GAB1: variants seen among roughly 807,000 people sequenced by gnomAD.
GAB1 encodes GRB2-associated-binding protein 1.
GAB1 carries 19 observed loss-of-function variants against 66.5 expected under a neutral mutation model. That is an observed-to-expected ratio of 0.29 (90% CI 0.20 to 0.42). The LOEUF is 0.42. Among genes scored for constraint, GAB1 ranks in the 10% least tolerant of loss-of-function variants. GAB1 has a pLI of 1.00. For synonymous variants in GAB1, 294 were observed against 301.4 expected (o/e 0.98, Z 0.25); for missense variants, 732 against 858.5 (o/e 0.85, Z 1.84).
chr4:143,350,025 A>G, intron 1 of GAB1: 4 of 1,558,942 alleles, frequency 2.6e-6, no homozygotes, highest in Non-Finnish European at 3.5e-6. Flanking sequence ...CCCGGATGCC[A>G]CTGCCGAAAC....
rs1364366011 is a variant in GAB1 at position 143,473,973 on chromosome 4, T to A, written c.*4784T>A. ...TTGCATGTAACTTCTTTGAGGAAGT[T>A]ACCACCATCTCTGATATAGACACAC... On this transcript the variant is annotated 3_prime_UTR_variant, in exon 10 of 10. Transcript: ENST00000262994. The A allele has an allele frequency of 1.4e-4, 21 of 152,194 alleles. 1 individual carries two copies. The highest frequency in any genetic ancestry group is 2.4e-4 in the Non-Finnish European group (16 of 68,022). The allele number at this position is 152,194 out of a possible 1,614,324, so 9.4% of individuals were successfully genotyped here.
chr4:143,432,900 A>C (rs1280622836), intron 2 of GAB1, among the ~76,000 whole-genome samples: 1 of 152,180 alleles, frequency 6.6e-6, no homozygotes, highest in African/African-American at 2.4e-5. Context: ...ATGGCAAATA[A>C]AGTTATGAGC....
intron 1 of GAB1, among the ~76,000 whole-genome samples, chr4:143,366,802 G>GA (rs1055545894): frequency 6.6e-5 from 10 of 151,858 alleles, no homozygotes; most frequent in Non-Finnish European, 1.3e-4. Context: ...TTTTCAATTT[G>GA]AAAAAATTGA....
intron 1 of GAB1, among the ~76,000 whole-genome samples, chr4:143,398,086 C>T (rs1022157799): frequency 6.6e-6 from 1 of 152,160 alleles, no homozygotes; most frequent in Admixed American, 6.5e-5. Context: ...TAAAATAAAC[C>T]TTTGAATACT....
intron 1 of GAB1, among the ~76,000 whole-genome samples, chr4:143,398,085 C>G (rs1578653570): frequency 2.0e-5 from 3 of 152,164 alleles, no homozygotes; most frequent in African/African-American, 7.2e-5. Flanking sequence ...TTAAAATAAA[C>G]CTTTGAATAC....
chr4:143,353,303 G>A (rs1406696844), intron 1 of GAB1, among the ~76,000 whole-genome samples: 1 of 152,154 alleles, frequency 6.6e-6, no homozygotes, highest in Non-Finnish European at 1.5e-5. Flanking sequence ...TGGTTGATTT[G>A]TAAAAGAACA....
chr4:143,400,280 T>G (rs963350855), intron 1 of GAB1, among the ~76,000 whole-genome samples: 1 of 152,066 alleles, frequency 6.6e-6, no homozygotes, highest in African/African-American at 2.4e-5. Context: ...GTCCAAGTTT[T>G]GAGAACAGAG....
At position 143,415,552 on chromosome 4, in the gene GAB1, A is replaced by G. The variant is rs1200427471; in HGVS notation, c.148A>G (p.Asn50Asp). ...TCCAGATGTTTTGGAATATTACAAA[A>G]ATGATCATGCCAAGAAGCCTATTCG... Reference protein sequence around the residue: ...GDPDVLEYYKNDHAKKPIRII... With the variant: ...GDPDVLEYYKDDHAKKPIRII... The change falls in exon 2 of 10, where the codon AAT (asparagine) becomes GAT (aspartate). Residue 50 changes from asparagine to aspartate, a missense_variant. Transcript: ENST00000262994. The G allele has an allele frequency of 6.2e-7, 1 of 1,613,718 alleles. No homozygotes were observed. Among genetic ancestry groups the G allele is most frequent in the Middle Eastern group, 1.7e-4 (1 of 6,052 alleles).
At chr4:143,356,959 ACTTTCT>A (rs1349809596) in intron 1 of GAB1, among the ~76,000 whole-genome samples, 8 of 152,066 alleles carry the variant, frequency 5.3e-5, no homozygotes, top group Admixed American at 3.9e-4. Flanking sequence ...GAAATTTTGG[ACTTTCT>A]CTTTCTACCA....
rs116128189 is a variant in GAB1 at position 143,392,640 on chromosome 4, C to T, written c.73-22837C>T. 3.0e-3 allele frequency among the ~76,000 whole-genome samples: 453 copies of T among 152,180 alleles called. 1 individual carries two copies. The highest frequency in any genetic ancestry group is 0.011 in the African/African-American group (443 of 41,524). ...ATATTTTTATGATTTCTGAATTCCT[C>T]AGGAGTCCTAAGTTAATAGTTAATA... On this transcript the variant is annotated intron_variant, in intron 1 of 9. Coordinates refer to ENST00000262994, the MANE Select transcript of GAB1 (RefSeq NM_002039.4).
intron 1 of GAB1, among the ~76,000 whole-genome samples, chr4:143,351,959 G>C (rs1182834817): frequency 1.3e-5 from 2 of 152,122 alleles, no homozygotes; most frequent in Admixed American, 1.3e-4. Context: ...TCATAGCACC[G>C]GAAGCAAACA....
chr4:143,416,268 C>T (rs1486032514), intron 2 of GAB1, among the ~76,000 whole-genome samples: 1 of 152,010 alleles, frequency 6.6e-6, no homozygotes, highest in African/African-American at 2.4e-5. Context: ...ATTAGCCGGG[C>T]TTGGTGGCAG....
In GAB1 at chr4:143,373,822, C is replaced by CCTCTCTCTCTCT. The variant is rs3049718; in HGVS notation, c.72+36585_72+36596dup. 7.0e-3 allele frequency among the ~76,000 whole-genome samples: 680 copies of CCTCTCTCTCTCT among 97,730 alleles called. 11 individuals carry two copies. The highest frequency in any genetic ancestry group is 0.012 in the African/African-American group (300 of 24,182). The allele number at this position is 97,730 out of a possible 152,430, so 64.1% of individuals were successfully genotyped here. On this transcript the variant is annotated intron_variant, in intron 1 of 9. Coordinates refer to ENST00000262994, the MANE Select transcript of GAB1 (RefSeq NM_002039.4). ...CCAGCCTGGGTGATGGGAGTGAAAC[C>CCTCTCTCTCTCT]CTCTCTCTCTCTCTCTCTCTCTCTC...
intron 1 of GAB1, among the ~76,000 whole-genome samples, chr4:143,370,817 C>T (rs551094673): frequency 7.6e-4 from 116 of 152,212 alleles, no homozygotes; most frequent in African/African-American, 2.1e-3. Context: ...TCTGTCCTTG[C>T]GATAGTTTGC....
chr4:143,454,823 C>T (rs866297221), intron 6 of GAB1, among the ~76,000 whole-genome samples: 2 of 152,192 alleles, frequency 1.3e-5, no homozygotes, highest in South Asian at 4.1e-4. Flanking sequence ...TGTTGTCTGT[C>T]TTCTGTCCTT....
chr4:143,426,823 T>A (rs951260149), intron 2 of GAB1, among the ~76,000 whole-genome samples: 1 of 152,228 alleles, frequency 6.6e-6, no homozygotes, highest in Non-Finnish European at 1.5e-5. Context: ...TTATGAATAT[T>A]ATAGTTAAAT....
At chr4:143,453,129 A>C (rs1468528109) in intron 6 of GAB1, among the ~76,000 whole-genome samples, 1 of 152,152 alleles carries the variant, frequency 6.6e-6, no homozygotes, top group African/African-American at 2.4e-5. Context: ...ATTAATGTCA[A>C]ATTGAGTTTG....
At chr4:143,425,979 T>G (rs1307233022) in intron 2 of GAB1, 2 of 693,886 alleles carry the variant, frequency 2.9e-6, no homozygotes, top group Non-Finnish European at 2.4e-6. Context: ...AACATCAGTA[T>G]CTAAATAAAA....
At chr4:143,445,390 A>G (rs911835236) in intron 6 of GAB1, among the ~76,000 whole-genome samples, 1 of 151,988 alleles carries the variant, frequency 6.6e-6, no homozygotes, top group African/African-American at 2.4e-5. Flanking sequence ...TGTATGTCTC[A>G]TTTCTAGAAG....
Sources: gnomAD v4.1 joint callset for allele counts (sites outside exome capture counted in the v4.1 genomes callset) on GRCh38, gnomAD v4.1.1 for gene constraint, MANE v1.5 for transcripts, NCBI Gene and HGNC (gene_info 2026-07-23, HGNC 2026-07-21) for gene names.